Variants in UBE3B observed in about 807,000 individuals in gnomAD.
UBE3B encodes ubiquitin protein ligase E3B.
In UBE3B, 80 loss-of-function variants were observed where a neutral mutation model predicts 132.3. The ratio of observed to expected loss-of-function variants is 0.60; its 90% CI spans 0.50 to 0.73. The LOEUF (loss-of-function observed/expected upper bound fraction) is 0.73. UBE3B is among the 30% of genes least tolerant of loss of function. The pLI, the probability that UBE3B is intolerant of heterozygous loss-of-function variation, is 0.00. For missense variants in UBE3B, 1,196 were observed against 1,362.5 expected, an observed-to-expected ratio of 0.88 and a Z score of 1.92; for synonymous variants, 487 against 520.4, an observed-to-expected ratio of 0.94 and a Z score of 0.87.
intron 1 of UBE3B, among the ~76,000 whole-genome samples, chr12:109,481,003 G>C (rs1051967171): frequency 6.6e-6 from 1 of 151,682 alleles, no homozygotes; most frequent in Non-Finnish European, 1.5e-5. Flanking sequence ...TGTCAAACAC[G>C]CTGAGGCAGG....
At chr12:109,504,972 A>AT (rs376210471) in intron 14 of UBE3B, among the ~76,000 whole-genome samples, 14,612 of 149,126 alleles carry the variant, frequency 0.098, 1,741 homozygotes, top group African/African-American at 0.28. Flanking sequence ...TGCCCGGCTA[A>AT]TTTTTTTTTT....
downstream of UBE3B, among the ~76,000 whole-genome samples, chr12:109,540,458 G>A (rs1883588035): frequency 6.6e-6 from 1 of 152,178 alleles, no homozygotes; most frequent in Non-Finnish European, 1.5e-5. Flanking sequence ...CAATCCACCT[G>A]CCTTGGTCTC....
At chr12:109,530,301 A>G (rs1882815321) in intron 25 of UBE3B, among the ~76,000 whole-genome samples, 1 of 152,160 alleles carries the variant, frequency 6.6e-6, no homozygotes, top group Non-Finnish European at 1.5e-5. Context: ...GCTCTAGGAG[A>G]TGGGGTCAGA....
Position 109,497,860 on chromosome 12 carries a change from G to A in UBE3B, c.756G>A (p.Pro252=), listed in dbSNP as rs142750926. 1.7e-5 allele frequency: 27 copies of A among 1,614,044 alleles called. No homozygotes were observed. Among genetic ancestry groups the A allele is most frequent in the East Asian group, 1.1e-4 (5 of 44,900 alleles). ...AAQFSDNLIR[P]FLIHIMSVPA... is the part of the protein sequence containing the mutation. ...AGTTCTCAGACAATCTGATTCGGCCGTTCCTCATCCACATCATGTCTGTGC... is the reference window on the plus strand; with the variant it reads ...AGTTCTCAGACAATCTGATTCGGCCATTCCTCATCCACATCATGTCTGTGC... The change falls in exon 10 of 28, where the codon CCG becomes CCA. Residue 252 remains proline, a synonymous_variant. Coordinates refer to ENST00000342494, the MANE Select transcript of UBE3B (RefSeq NM_130466.4).
At position 109,507,643 on chromosome 12, in the gene UBE3B, C is replaced by T; in HGVS notation, c.1530C>T (p.Leu510=). ...CELGPHGGLK[L]FLECLNNDTE... ...TCGGGCCCCACGGAGGGTTAAAGCTCTTCTTGGAATGCCTGAACAATGACA... is the reference window on the plus strand; with the variant it reads ...TCGGGCCCCACGGAGGGTTAAAGCTTTTCTTGGAATGCCTGAACAATGACA... Residue 510 remains leucine (L), a synonymous_variant, in exon 15 of 28, where the codon CTC becomes CTT. Coordinates refer to ENST00000342494, the MANE Select transcript of UBE3B (RefSeq NM_130466.4). 6.2e-7 allele frequency: 1 copy of T among 1,614,176 alleles called. No homozygotes were observed. The highest frequency in any genetic ancestry group is 8.5e-7 in the Non-Finnish European group (1 of 1,180,030).
chr12:109,488,809 GCTGAC>G (rs1876943991), intron 7 of UBE3B, 141 bp downstream of exon 7: 1 of 722,922 alleles, frequency 1.4e-6, no homozygotes, highest in African/African-American at 1.8e-5. Context: ...TGCCCTTGGT[GCTGAC>G]CATCAGACTG....
intron 27 of UBE3B, chr12:109,533,818 G>T: frequency 1.1e-6 from 1 of 933,144 alleles, no homozygotes; most frequent in Non-Finnish European, 1.6e-6. Context: ...GAGTGGGGGT[G>T]GGTACGTGCT....
the UBE3B span, among the ~76,000 whole-genome samples, chr12:109,543,015 C>T: frequency 1.3e-5 from 2 of 152,238 alleles, no homozygotes; most frequent in South Asian, 4.1e-4. Context: ...AGCTGCTGCT[C>T]AGCCCCAGCA....
intron 9 of UBE3B, among the ~76,000 whole-genome samples, chr12:109,494,059 C>T (rs576774365): frequency 1.3e-5 from 2 of 152,262 alleles, no homozygotes; most frequent in East Asian, 3.9e-4. Flanking sequence ...CTCCTGGCCT[C>T]AAGCGATCCT....
chr12:109,506,657 T>A (rs1265888311), intron 14 of UBE3B, among the ~76,000 whole-genome samples: 1 of 152,210 alleles, frequency 6.6e-6, no homozygotes, highest in Non-Finnish European at 1.5e-5. Flanking sequence ...GGCTGCCAAA[T>A]CTGTTTCTTT....
Position 109,534,303 on chromosome 12 carries a change from A to G in UBE3B, c.3016-288A>G. ...TTTTTACAGCATTCTACTTTTTGTC[A>G]ATTGGTTAACCAGTAATTCGCTGTG... On this transcript the variant is annotated intron_variant, in intron 27 of 27. Transcript: ENST00000342494. This position sits in a 1 kb window ranked among gnomAD's most constrained non-coding sequence, Gnocchi z 5.2. The G allele has an allele frequency of 7.2e-7, 1 of 1,384,070 alleles. No homozygotes were observed. The highest frequency in any genetic ancestry group is 9.3e-7 in the Non-Finnish European group (1 of 1,070,302). 85.7% of individuals were successfully genotyped at this position (1,384,070 alleles called of 1,614,324 possible).
chr12:109,524,998 A>C lies in UBE3B; in HGVS notation c.2568+495A>C, dbSNP rs1032790136. ...TCTGTAGCAGCCTCCGCGCCCTTTGATTGTGTCCTGGTGGAGGTCCCTGCA... is the reference window on the plus strand; with the variant it reads ...TCTGTAGCAGCCTCCGCGCCCTTTGCTTGTGTCCTGGTGGAGGTCCCTGCA... On this transcript the variant is annotated intron_variant, in intron 23 of 27. Coordinates refer to ENST00000342494, the MANE Select transcript of UBE3B (RefSeq NM_130466.4). 5.9e-5 allele frequency among the ~76,000 whole-genome samples: 9 copies of C among 151,964 alleles called. No individual in the cohort carries two copies. The East Asian group carries it at 1.8e-3, about 30-fold the overall frequency.
At position 109,533,568 on chromosome 12, in the gene UBE3B, C is replaced by T. The variant is rs554896285; in HGVS notation, c.3015+10C>T. On this transcript the variant is annotated intron_variant, in intron 27 of 27. Coordinates refer to ENST00000342494, the MANE Select transcript of UBE3B (RefSeq NM_130466.4). ...GGTGTCGGACGATCAGGTACCCCCA[C>T]GGGGTGGGTGGGGAAGAGCCTTGAC... 443 of 1,609,784 alleles carry T rather than the reference C, an allele frequency of 2.8e-4. 3 individuals are homozygous for T. The South Asian group carries it at 4.4e-3, about 16-fold the overall frequency.
chr12:109,523,495 G>A (rs1033658777), intron 21 of UBE3B, among the ~76,000 whole-genome samples: 7 of 152,196 alleles, frequency 4.6e-5, no homozygotes, highest in African/African-American at 1.7e-4. Context: ...TCGTACCAGT[G>A]CCTGGCTGGC....
intron 19 of UBE3B, chr12:109,517,963 G>A: frequency 2.2e-6 from 1 of 447,892 alleles, no homozygotes; most frequent in Non-Finnish European, 4.5e-6. Context: ...GCCGAGAGCT[G>A]CTAGGAAGGC....
chr12:109,490,223 C>A, intron 8 of UBE3B: 1 of 892,448 alleles, frequency 1.1e-6, no homozygotes, highest in Non-Finnish European at 1.8e-6. Context: ...GAATGCTCTA[C>A]ATTTTTGGCT....
At chr12:109,519,770 A>T (rs1264580745) in intron 19 of UBE3B, 1 of 152,136 alleles carries the variant, frequency 6.6e-6, no homozygotes, top group African/African-American at 2.4e-5. Flanking sequence ...CTTTATGTAC[A>T]TAAAAAGTCC....
chr12:109,513,552 GCTAGGGATTT>G (rs1222540429), intron 18 of UBE3B, among the ~76,000 whole-genome samples: 1 of 152,208 alleles, frequency 6.6e-6, no homozygotes. Context: ...AAAAAGGACT[GCTAGGGATTT>G]CTTTTGGCCT....
intron 18 of UBE3B, among the ~76,000 whole-genome samples, chr12:109,514,185 G>C (rs1880714748): frequency 6.6e-6 from 1 of 152,176 alleles, no homozygotes; most frequent in Non-Finnish European, 1.5e-5. Context: ...TGGCCCTTAA[G>C]TCCTCTCTGC....
Sources: allele counts gnomAD v4.1 joint callset (sites outside exome capture counted in the v4.1 genomes callset), GRCh38; gene constraint gnomAD v4.1.1; non-coding constraint Gnocchi (gnomAD v3.1); transcripts MANE v1.5; gene names NCBI Gene and HGNC (gene_info 2026-07-23, HGNC 2026-07-21).